Variants in RANBP10 observed in about 807,000 individuals in gnomAD.
RANBP10 encodes ran-binding protein 10.
RANBP10 carries 24 observed loss-of-function variants against 72.8 expected under a neutral mutation model. The observed-to-expected ratio is 0.33, with a 90% CI of 0.24 to 0.46. The LOEUF is 0.46. RANBP10 is among the 20% of genes least tolerant of loss of function. RANBP10 has a pLI of 1.00. For synonymous variants in RANBP10, 310 were observed against 322.3 expected (o/e 0.96, Z 0.41); for missense variants, 679 against 817.5 (o/e 0.83, Z 2.07).
In RANBP10 at chr16:67,730,103, C is replaced by A; in HGVS notation, c.890-57G>T. ...GGGCTACAGGCCTCTCCCACAGCCA[C>A]ACACCTGGGATGCTGCCAGCCTCAG... On this transcript the variant is annotated intron_variant, in intron 7 of 13. Transcript: ENST00000317506. The surrounding 1 kb of genome is among the most constrained non-coding windows in gnomAD (Gnocchi z 4.3). 2 of 1,510,682 alleles carry A rather than the reference C, an allele frequency of 1.3e-6. No homozygotes were observed. The highest frequency in any genetic ancestry group is 1.8e-6 in the Non-Finnish European group (2 of 1,098,658). 93.6% of individuals were successfully genotyped at this position (1,510,682 alleles called of 1,614,324 possible). A position where few individuals can be genotyped will look rare whatever the true frequency, so the allele number is the denominator to read the frequency against.
At chr16:67,769,478 G>A (rs1394412630) in intron 3 of RANBP10, among the ~76,000 whole-genome samples, 1 of 127,526 alleles carries the variant, frequency 7.8e-6, no homozygotes, top group African/African-American at 2.8e-5. Flanking sequence ...GGGCGCAGTG[G>A]CTCACGCCTG....
chr16:67,786,594 C>T (rs1289787087), intron 2 of RANBP10, among the ~76,000 whole-genome samples: 3 of 152,088 alleles, frequency 2.0e-5, no homozygotes, highest in Admixed American at 2.0e-4. Context: ...CAAATCAAAA[C>T]CACAATGAGT....
rs1289884385 is a variant in RANBP10 at position 67,724,335 on chromosome 16, C to G, written c.*2093G>C. On this transcript the variant is annotated 3_prime_UTR_variant, in exon 14 of 14. Transcript: ENST00000317506. ...CTACTAATTTGCTATGTGACTTTAG[C>G]CAAGTCACTTAATCTCCTGGGCCTG... 6.6e-6 allele frequency: 1 copy of G among 152,206 alleles called. No individual in the cohort carries two copies. Among genetic ancestry groups the G allele is most frequent in the Non-Finnish European group, 1.5e-5 (1 of 68,042 alleles). The allele number at this position is 152,206 out of a possible 1,614,324, so 9.4% of individuals were successfully genotyped here.
chr16:67,780,019 G>C (rs765816045), intron 2 of RANBP10, among the ~76,000 whole-genome samples: 1 of 152,060 alleles, frequency 6.6e-6, no homozygotes, highest in Non-Finnish European at 1.5e-5. Flanking sequence ...GGATCACGAG[G>C]TCAAGAGATC....
chr16:67,738,706 C>A (rs1249004253), intron 4 of RANBP10: 1 of 152,364 alleles, frequency 6.6e-6, no homozygotes, highest in Non-Finnish European at 1.5e-5. Flanking sequence ...CCCACCTCAG[C>A]TTCCCAAAGT....
chr16:67,780,233 AAAACAAACAAAC>A (rs1425418344), intron 2 of RANBP10, among the ~76,000 whole-genome samples: 1 of 152,108 alleles, frequency 6.6e-6, no homozygotes. Context: ...TCCGTCTCAA[AAAACAAACAAAC>A]AAACAAAAAA....
chr16:67,785,731 C>CAAAAAAAAAGAAAAAAAAAAAAA (rs2054904708), intron 2 of RANBP10, among the ~76,000 whole-genome samples: 1 of 71,784 alleles, frequency 1.4e-5, no homozygotes, highest in Non-Finnish European at 2.6e-5. Context: ...GACTCCATCT[C>CAAAAAAAAAGAAAAAAAAAAAAA]AAAAAAAAAA....
rs1400824116 is a variant in RANBP10, at chr16:67,725,429, G to C, written c.*999C>G. ...AATGGAGTCTTCTTTCCAGCAGCCT[G>C]ACACACAGAAGCTCTCAGGACGAAG... On this transcript the variant is annotated 3_prime_UTR_variant, in exon 14 of 14. Coordinates refer to ENST00000317506, the MANE Select transcript of RANBP10 (RefSeq NM_020850.3). 3.9e-5 allele frequency: 6 copies of C among 152,642 alleles called. No individual in the cohort carries two copies. The allele number at this position is 152,642 out of a possible 1,614,324, so 9.5% of individuals were successfully genotyped here. A position where few individuals can be genotyped will look rare whatever the true frequency, so the allele number is the denominator to read the frequency against.
At chr16:67,799,125 G>A (rs1000063364) in intron 2 of RANBP10, among the ~76,000 whole-genome samples, 11 of 151,726 alleles carry the variant, frequency 7.2e-5, no homozygotes, top group Admixed American at 5.9e-4. Context: ...TAGGAGAGAT[G>A]GGGTTTCGCC....
intron 3 of RANBP10, among the ~76,000 whole-genome samples, chr16:67,762,028 G>A (rs2054404873): frequency 6.6e-6 from 1 of 152,202 alleles, no homozygotes; most frequent in Admixed American, 6.5e-5. Context: ...GGCCAAAGGA[G>A]GAGGACTGCT....
intron 3 of RANBP10, among the ~76,000 whole-genome samples, chr16:67,745,653 G>A (rs1597849659): frequency 6.6e-6 from 1 of 152,156 alleles, no homozygotes; most frequent in Non-Finnish European, 1.5e-5. Flanking sequence ...CTTTTAAACT[G>A]TACACTTCAA....
At chr16:67,767,892 T>G (rs1346824872) in intron 3 of RANBP10, among the ~76,000 whole-genome samples, 2 of 151,650 alleles carry the variant, frequency 1.3e-5, no homozygotes, top group Admixed American at 6.6e-5. Flanking sequence ...CACCGCGCCC[T>G]GCCTCTACAA....
chr16:67,744,584 T>C lies in RANBP10; in HGVS notation c.401-129A>G, dbSNP rs1335457422. 5 of 975,676 alleles carry C rather than the reference T, an allele frequency of 5.1e-6. 1 individual carries two copies. The highest frequency in any genetic ancestry group is 1.7e-5 in the African/African-American group (1 of 60,562). 60.4% of individuals were successfully genotyped at this position (975,676 alleles called of 1,614,324 possible). A position where few individuals can be genotyped will look rare whatever the true frequency, so the allele number is the denominator to read the frequency against. The stretch of plus-strand genomic sequence containing the variant: ...CACCTCTGTCAGCACTCTTGGCTTC[T>C]AGCAGAGCCACCAATAGACAGAGTC... On this transcript the variant is annotated intron_variant, in intron 3 of 13. Transcript: ENST00000317506.
chr16:67,784,220 C>T (rs921572302), intron 2 of RANBP10, among the ~76,000 whole-genome samples: 4 of 152,124 alleles, frequency 2.6e-5, no homozygotes, highest in Non-Finnish European at 2.9e-5. Context: ...GATGGTTCAA[C>T]ATAAGAAAAT....
chr16:67,806,232 G>A, intron 1 of RANBP10, 70 bp downstream of exon 1: 3 of 1,400,364 alleles, frequency 2.1e-6, no homozygotes, highest in Non-Finnish European at 1.9e-6. Context: ...GTGATAGGGC[G>A]GGGGCCTGGC....
At chr16:67,764,628 T>A (rs941803209) in intron 3 of RANBP10, among the ~76,000 whole-genome samples, 1 of 152,216 alleles carries the variant, frequency 6.6e-6, no homozygotes, top group Non-Finnish European at 1.5e-5. Context: ...TTGTCAATCC[T>A]GTCACAGTGA....
At chr16:67,784,152 C>A (rs1286516263) in intron 2 of RANBP10, among the ~76,000 whole-genome samples, 1 of 151,582 alleles carries the variant, frequency 6.6e-6, no homozygotes, top group Non-Finnish European at 1.5e-5. Context: ...CCAAATCCAA[C>A]AGTGTATTAA....
chr16:67,743,581 C>G (rs2054010616), intron 4 of RANBP10, among the ~76,000 whole-genome samples: 1 of 152,178 alleles, frequency 6.6e-6, no homozygotes, highest in Admixed American at 6.5e-5. Flanking sequence ...TGCTATTTCT[C>G]CTGGGTTTCT....
chr16:67,736,558 C>T (rs2053851962), intron 5 of RANBP10, among the ~76,000 whole-genome samples: 2 of 152,200 alleles, frequency 1.3e-5, no homozygotes, highest in Non-Finnish European at 2.9e-5. Flanking sequence ...CTCTCGCTTC[C>T]TTTCTTTCCC....
Sources: allele counts gnomAD v4.1 joint callset (sites outside exome capture counted in the v4.1 genomes callset), GRCh38; gene constraint gnomAD v4.1.1; non-coding constraint Gnocchi (gnomAD v3.1); transcripts MANE v1.5; gene names NCBI Gene and HGNC (gene_info 2026-07-23, HGNC 2026-07-21).